The following VAT1L variants were observed in gnomAD, a reference collection of about 807,000 sequenced individuals.
The protein encoded by VAT1L is vesicle amine transport 1 like, also known as putative NADPH-dependent quinone oxidoreductase VAT1L.
In VAT1L, 34 loss-of-function variants were observed where a neutral mutation model predicts 44.1. The observed-to-expected ratio is 0.77, with a 90% CI of 0.59 to 1.03. VAT1L has a LOEUF of 1.03. Ranked by LOEUF, VAT1L falls within the 50% of genes least tolerant of loss-of-function variation. VAT1L has a pLI of 0.00. For synonymous variants in VAT1L, 253 were observed against 202.2 expected, an observed-to-expected ratio of 1.25 and a Z score of -2.13; for missense variants, 615 against 538.8, an observed-to-expected ratio of 1.14 and a Z score of -1.40.
At chr16:77,883,516 G>T (rs2017176556) in intron 6 of VAT1L, among the ~76,000 whole-genome samples, 1 of 152,166 alleles carries the variant, frequency 6.6e-6, no homozygotes. Flanking sequence ...ATTCTTTGTT[G>T]TGGATTATTC....
Position 77,978,737 on chromosome 16 carries a change from C to G in VAT1L, c.*1042C>G, listed in dbSNP as rs1381025148. The stretch of plus-strand genomic sequence containing the variant: ...TCTGATGTCAGATGTACAGTTCCTC[C>G]CCTCCCATATATAAACCCCGGTGTA... On this transcript the variant is annotated 3_prime_UTR_variant, in exon 9 of 9. Coordinates refer to ENST00000302536, the MANE Select transcript of VAT1L (RefSeq NM_020927.3). 1 of 152,120 alleles carries G rather than the reference C, an allele frequency of 6.6e-6. No individual in the cohort carries two copies. The highest frequency in any genetic ancestry group is 1.5e-5 in the Non-Finnish European group (1 of 68,024). The allele number at this position is 152,120 out of a possible 1,614,324, so 9.4% of individuals were successfully genotyped here. A position where few individuals can be genotyped will look rare whatever the true frequency, so the allele number is the denominator to read the frequency against.
At chr16:77,853,843 G>T (rs1042867746) in intron 3 of VAT1L, among the ~76,000 whole-genome samples, 1 of 151,918 alleles carries the variant, frequency 6.6e-6, no homozygotes, top group African/African-American at 2.4e-5. Context: ...TTCTTTTGGG[G>T]ATTAAAAAAA....
chr16:77,925,951 G>A (rs758517171), intron 7 of VAT1L, among the ~76,000 whole-genome samples: 2 of 152,044 alleles, frequency 1.3e-5, no homozygotes, highest in Non-Finnish European at 2.9e-5. Context: ...CTTTACTGCT[G>A]ATAATCTGTC....
At chr16:77,905,351 A>G (rs2017427035) in intron 7 of VAT1L, among the ~76,000 whole-genome samples, 1 of 152,156 alleles carries the variant, frequency 6.6e-6, no homozygotes, top group African/African-American at 2.4e-5. Context: ...GCCTGAAGTT[A>G]TTCTCGCTGC....
At chr16:77,936,345 C>A (rs1391863789) in intron 7 of VAT1L, among the ~76,000 whole-genome samples, 1 of 152,102 alleles carries the variant, frequency 6.6e-6, no homozygotes, top group Non-Finnish European at 1.5e-5. Context: ...TCTGACTTGC[C>A]CAGGATGACT....
intron 3 of VAT1L, among the ~76,000 whole-genome samples, chr16:77,839,535 C>CA (rs71137846): frequency 0.026 from 1,298 of 48,996 alleles, 137 homozygotes; most frequent in East Asian, 0.057. Context: ...TACTCCATAT[C>CA]AAAAAAAAAA....
At chr16:77,888,044 C>T (rs2017226422) in intron 7 of VAT1L, among the ~76,000 whole-genome samples, 1 of 152,180 alleles carries the variant, frequency 6.6e-6, no homozygotes, top group Admixed American at 6.5e-5. Flanking sequence ...AAACATGTTG[C>T]TCCTTCTATT....
In VAT1L at chr16:77,933,597, G is replaced by A. The variant is rs1313359090; in HGVS notation, c.1078-38253G>A. Among the ~76,000 whole-genome samples the A allele has an allele frequency of 7.9e-5, 12 of 152,338 alleles. No individual in the cohort carries two copies. In the East Asian group the frequency reaches 2.1e-3, roughly 27 times the overall value. ...CTAAAGGAATGGAGTAAAAGGGATG[G>A]GGAAGGCAGGTATTTTGAATAGGGG... On this transcript the variant is annotated intron_variant, in intron 7 of 8. Coordinates refer to ENST00000302536, the MANE Select transcript of VAT1L (RefSeq NM_020927.3).
At chr16:77,844,555 C>T (rs1469322132) in intron 3 of VAT1L, among the ~76,000 whole-genome samples, 1 of 152,088 alleles carries the variant, frequency 6.6e-6, no homozygotes, top group Non-Finnish European at 1.5e-5. Context: ...ACTACAGGTG[C>T]CCACCACCAC....
At chr16:77,868,159 A>C (rs2016994954) in intron 4 of VAT1L, among the ~76,000 whole-genome samples, 2 of 152,218 alleles carry the variant, frequency 1.3e-5, no homozygotes, top group African/African-American at 4.8e-5. Context: ...TTTTACAATA[A>C]AGTGTTGAAA....
At chr16:77,974,144 C>T (rs190156979) in intron 8 of VAT1L, among the ~76,000 whole-genome samples, 3 of 152,262 alleles carry the variant, frequency 2.0e-5, no homozygotes, top group African/African-American at 7.2e-5. Flanking sequence ...GTGACTGATA[C>T]AACATGGATA....
At chr16:77,895,790 G>A (rs1000541358) in intron 7 of VAT1L, among the ~76,000 whole-genome samples, 32 of 152,332 alleles carry the variant, frequency 2.1e-4, no homozygotes, top group Non-Finnish European at 3.7e-4. Context: ...TGCCTGCTGC[G>A]CGCCAAGCAC....
intron 7 of VAT1L, among the ~76,000 whole-genome samples, chr16:77,958,783 C>G (rs1232262391): frequency 6.6e-6 from 1 of 152,190 alleles, no homozygotes; most frequent in Non-Finnish European, 1.5e-5. Flanking sequence ...GTTGCTCCAT[C>G]CAGATTACAC....
chr16:77,960,078 A>G (rs1024890602), intron 7 of VAT1L, among the ~76,000 whole-genome samples: 4 of 151,968 alleles, frequency 2.6e-5, no homozygotes, highest in Non-Finnish European at 4.4e-5. Flanking sequence ...GATCTTCCCA[A>G]CCAGGTCAAA....
intron 8 of VAT1L, among the ~76,000 whole-genome samples, chr16:77,976,445 T>C (rs761267535): frequency 6.6e-6 from 1 of 152,032 alleles, no homozygotes; most frequent in African/African-American, 2.4e-5. Flanking sequence ...GCACTGCACA[T>C]GGTGTGGCCA....
chr16:77,790,230 G>A (rs962492234), intron 1 of VAT1L, among the ~76,000 whole-genome samples: 6 of 152,182 alleles, frequency 3.9e-5, no homozygotes, highest in African/African-American at 1.2e-4. Flanking sequence ...TATGCAGCTG[G>A]TCAGGTTTGA....
intron 7 of VAT1L, among the ~76,000 whole-genome samples, chr16:77,958,417 A>G (rs755193250): frequency 2.0e-5 from 3 of 152,168 alleles, no homozygotes; most frequent in Non-Finnish European, 4.4e-5. Flanking sequence ...GAGCATCTCC[A>G]TAAGCTAAAG....
intron 7 of VAT1L, among the ~76,000 whole-genome samples, chr16:77,922,689 T>C (rs982476934): frequency 6.6e-6 from 1 of 152,274 alleles, no homozygotes; most frequent in African/African-American, 2.4e-5. Flanking sequence ...CTGGCAGTGT[T>C]TTAGGCACTT....
chr16:77,818,788 G>A (rs898669592), intron 2 of VAT1L, among the ~76,000 whole-genome samples: 10 of 152,074 alleles, frequency 6.6e-5, no homozygotes, highest in South Asian at 2.1e-4. Flanking sequence ...TCACTTACTC[G>A]TTTCCAGTTA....
Sources: allele counts gnomAD v4.1 joint callset (sites outside exome capture counted in the v4.1 genomes callset), GRCh38; gene constraint gnomAD v4.1.1; transcripts MANE v1.5; gene names NCBI Gene and HGNC (gene_info 2026-07-23, HGNC 2026-07-21).